Variants in ADCK5 observed in about 807,000 individuals in gnomAD.
The protein encoded by ADCK5 is aarF domain containing kinase 5.
ADCK5 carries 43 observed loss-of-function variants against 64.9 expected under a neutral mutation model. That is an observed-to-expected ratio of 0.66 (90% CI 0.52 to 0.85). The LOEUF (loss-of-function observed/expected upper bound fraction) is 0.85, where lower values mean the gene tolerates loss of function less well. Among genes scored for constraint, ADCK5 ranks in the 40% least tolerant of loss-of-function variants. The pLI is 0.00. For synonymous variants in ADCK5, 434 were observed against 342.8 expected (o/e 1.27, Z -2.94); for missense variants, 760 against 810.5 (o/e 0.94, Z 0.76).
chr8:144,381,614 A>G (rs769125545), intron 2 of ADCK5, among the ~76,000 whole-genome samples: 13,328 of 114,642 alleles, frequency 0.12, 445 homozygotes, highest in African/African-American at 0.27. Flanking sequence ...GTGCTCAGGC[A>G]CCTCCCGCAG....
chr8:144,380,876 T>C, intron 2 of ADCK5, among the ~76,000 whole-genome samples: 1 of 133,296 alleles, frequency 7.5e-6, no homozygotes, highest in Non-Finnish European at 1.6e-5. Flanking sequence ...CACTAAGGAT[T>C]ATGGGCTGGG....
rs2130728348 is a variant in ADCK5, at chr8:144,391,046, G to C, written c.533G>C (p.Gly178Ala). 6.2e-7 allele frequency: 1 copy of C among 1,612,358 alleles called. No individual in the cohort carries two copies. Among genetic ancestry groups the C allele is most frequent in the Middle Eastern group, 1.6e-4 (1 of 6,062 alleles). Residue 178 changes from glycine (G) to alanine (A), a missense_variant, in exon 5 of 15, where the codon GGC becomes GCC. Around this residue, in one of 2 missense-constraint regions of ADCK5, gnomAD observed 427 missense variants for 518.4 expected, o/e 0.82. Coordinates refer to ENST00000308860, the MANE Select transcript of ADCK5 (RefSeq NM_174922.5). ...RVLEDRALKR[G>A]FQEVDELFLE... is the part of the protein sequence containing the mutation. ...CTAGAGGACAGGGCCCTCAAGCGGG[G>C]CTTCCAGGAGGTGAGTGTGCGCTCA... is the stretch of plus-strand genomic sequence containing the variant.
At chr8:144,388,050 A>G (rs1273796120) in intron 3 of ADCK5, among the ~76,000 whole-genome samples, 1 of 151,964 alleles carries the variant, frequency 6.6e-6, no homozygotes, top group African/African-American at 2.4e-5. Flanking sequence ...TTTGTGAAAA[A>G]CTTCAAACAT....
chr8:144,388,503 G>A lies in ADCK5; in HGVS notation c.267-2168G>A, dbSNP rs373959642. Among the ~76,000 whole-genome samples the A allele has an allele frequency of 9.9e-5, 15 of 151,188 alleles. No individual in the cohort carries two copies. In the East Asian group the frequency reaches 1.4e-3, roughly 14 times the overall value. ...GTTAGAGCCGGGCACGGTGGCTCAC[G>A]CCTGTAATCCCAGCACTTTGGGAGG... On this transcript the variant is annotated intron_variant, in intron 3 of 14. Coordinates refer to ENST00000308860, the MANE Select transcript of ADCK5 (RefSeq NM_174922.5).
rs181938574 is a variant in ADCK5, at chr8:144,388,950, G to A, written c.267-1721G>A. Among the ~76,000 whole-genome samples, 94 of 152,268 alleles carry A rather than the reference G, an allele frequency of 6.2e-4. 1 individual carries two copies. The highest frequency in any genetic ancestry group is 4.5e-3 in the Admixed American group (69 of 15,306). ...GTGGGCCCTGTCCCCAGGCAGGTAC[G>A]TGAGCTTCACAGAACGCAGGGACAG... On this transcript the variant is annotated intron_variant, in intron 3 of 14. Coordinates refer to ENST00000308860, the MANE Select transcript of ADCK5 (RefSeq NM_174922.5).
At chr8:144,378,399 C>T (rs1819460680) in intron 1 of ADCK5, among the ~76,000 whole-genome samples, 1 of 152,150 alleles carries the variant, frequency 6.6e-6, no homozygotes, top group African/African-American at 2.4e-5. Flanking sequence ...AGTGAGTTCT[C>T]AGATCTGATG....
Position 144,383,171 on chromosome 8 carries a change from A to G in ADCK5, c.207A>G (p.Ala69=). 2 of 1,601,474 alleles carry G rather than the reference A, an allele frequency of 1.2e-6. No individual in the cohort carries two copies. The highest frequency in any genetic ancestry group is 1.7e-6 in the Non-Finnish European group (2 of 1,174,212). Residue 69 remains alanine, a synonymous_variant, in exon 3 of 15, where the codon GCA becomes GCG. Coordinates refer to ENST00000308860, the MANE Select transcript of ADCK5 (RefSeq NM_174922.5). ...PLLLGARYVM[A]EAREKRRMRL... is the part of the protein sequence containing the mutation. Reference sequence around the variant, plus strand: ...TCCTCGGAGCCCGCTATGTCATGGCAGAGGCACGGGAGAAGAGGAGGATGC... The same window carrying G: ...TCCTCGGAGCCCGCTATGTCATGGCGGAGGCACGGGAGAAGAGGAGGATGC...
intron 12 of ADCK5, 28 bp from the exon 13 acceptor site, chr8:144,392,417 C>CGGCCG: frequency 7.5e-7 from 1 of 1,325,716 alleles, no homozygotes; most frequent in Non-Finnish European, 9.8e-7. Flanking sequence ...TCAGAGCCCC[C>CGGCCG]TCCCTCCCTC....
Position 144,383,073 on chromosome 8 carries a change from C to T in ADCK5, c.117-8C>T, listed in dbSNP as rs782807623. On this transcript the variant is annotated splice_polypyrimidine_tract_variant and splice_region_variant and intron_variant, in intron 2 of 14. Coordinates refer to ENST00000308860, the MANE Select transcript of ADCK5 (RefSeq NM_174922.5). ...GCGGCGCCTCCAGGCTGCATTGTCT[C>T]TCCTCAGGTTCTCCAGCCCCACACC... is the stretch of plus-strand genomic sequence containing the variant. 1.9e-6 allele frequency: 3 copies of T among 1,585,372 alleles called. No homozygotes were observed. The highest frequency in any genetic ancestry group is 1.8e-5 in the Admixed American group (1 of 55,672).
intron 2 of ADCK5, among the ~76,000 whole-genome samples, chr8:144,381,748 G>A (rs1318524003): frequency 7.0e-6 from 1 of 143,148 alleles, no homozygotes. Flanking sequence ...ATTATGGGCC[G>A]GGTGCAGAAA....
rs782326879 is a variant in ADCK5 at position 144,391,215 on chromosome 8, G to A, written c.625G>A (p.Ala209Thr). 1.2e-6 allele frequency: 2 copies of A among 1,612,468 alleles called. No individual in the cohort carries two copies. Among genetic ancestry groups the A allele is most frequent in the Non-Finnish European group, 8.5e-7 (1 of 1,180,026 alleles). ...QEFDYQPIAA[A>T]SLAQVHRAKL... ...GTTTGACTACCAGCCAATTGCTGCC[G>A]CCAGCCTGGCACAGGTGCACAGAGC... The change falls in exon 6 of 15, where the codon GCC (alanine) becomes ACC (threonine). Residue 209 changes from alanine (A) to threonine (T), a missense_variant. Physicochemically the swap from Ala to Thr is moderately conservative, Grantham distance 58 (BLOSUM62 0). This residue lies in a region of ADCK5 where 427 missense variants were observed against 518.4 expected (regional missense o/e 0.82). Coordinates refer to ENST00000308860, the MANE Select transcript of ADCK5 (RefSeq NM_174922.5).
At chr8:144,375,426 T>G in intron 1 of ADCK5, 1 of 978,310 alleles carries the variant, frequency 1.0e-6, no homozygotes, top group Non-Finnish European at 1.2e-6. Flanking sequence ...ACAGTGCTGT[T>G]GGGTTCCCCA....
At chr8:144,389,731 C>T (rs1402331478) in intron 3 of ADCK5, among the ~76,000 whole-genome samples, 4 of 152,000 alleles carry the variant, frequency 2.6e-5, no homozygotes, top group Non-Finnish European at 4.4e-5. Flanking sequence ...TAGGTTTCAC[C>T]ATGTTGGTCA....
At position 144,379,594 on chromosome 8, in the gene ADCK5, C is replaced by T. The variant is rs565075940; in HGVS notation, c.116+104C>T. On this transcript the variant is annotated intron_variant, in intron 2 of 14. Coordinates refer to ENST00000308860, the MANE Select transcript of ADCK5 (RefSeq NM_174922.5). Reference sequence around the variant, plus strand: ...CGAGGGCCCAAGGCTGGACCTTCTCCTGTACCCACAACCAAGGCAGGATAT... The same window carrying T: ...CGAGGGCCCAAGGCTGGACCTTCTCTTGTACCCACAACCAAGGCAGGATAT... The T allele has an allele frequency of 2.3e-5, 22 of 942,408 alleles. No individual in the cohort carries two copies. The East Asian group carries it at 4.3e-4, about 19-fold the overall frequency. 58.4% of individuals were successfully genotyped at this position (942,408 alleles called of 1,614,324 possible).
At position 144,392,179 on chromosome 8, in the gene ADCK5, G is replaced by GGGT; in HGVS notation, c.1175+12_1175+14dup. The GGGT allele has an allele frequency of 6.4e-7, 1 of 1,560,932 alleles. No individual in the cohort carries two copies. Among genetic ancestry groups the GGGT allele is most frequent in the Non-Finnish European group, 8.6e-7 (1 of 1,156,800 alleles). On this transcript the variant is annotated intron_variant, in intron 11 of 14. Transcript: ENST00000308860. ...CAGTTCCTGGAGGAGAAGTGAGCGC[G>GGGT]GGTGGGTGGGCGTGGGGCAGGGCAA...
intron 9 of ADCK5, 30 bp from the exon 10 acceptor site, chr8:144,391,911 T>G (rs1554860834): frequency 1.2e-6 from 2 of 1,611,082 alleles, no homozygotes; most frequent in Non-Finnish European, 1.7e-6. Context: ...GCTGGTGCTG[T>G]GTCCACTGCA....
In ADCK5 at chr8:144,392,654, GC is replaced by G; in HGVS notation, c.1480del (p.Leu494SerfsTer61). The G allele has an allele frequency of 6.3e-7, 1 of 1,593,922 alleles. No homozygotes were observed. On this transcript the variant is annotated frameshift_variant, in exon 13 of 15. Coordinates refer to ENST00000308860, the MANE Select transcript of ADCK5 (RefSeq NM_174922.5). LOFTEE classifies it high-confidence loss of function. ...CAACACCGTGCGCGCTATCAACGTG[GC>G]CCTCGGCGCCCCCGTGGACCGCTAC... Reference protein sequence around the residue: ...NINTVRAINVALGAPVDRYFL... With the variant: ...NINTVRAINVXLGAPVDRYFL...
At position 144,392,906 on chromosome 8, in the gene ADCK5, G is replaced by C; in HGVS notation, c.1637+14G>C. The stretch of plus-strand genomic sequence containing the variant: ...AGTGGCGCTCAGGTGAGTGGCCGCG[G>C]GGCAGGTGGGTGGCGGGGGCCTGCT... On this transcript the variant is annotated intron_variant, in intron 14 of 14. Coordinates refer to ENST00000308860, the MANE Select transcript of ADCK5 (RefSeq NM_174922.5). 1 of 1,598,754 alleles carries C rather than the reference G, an allele frequency of 6.3e-7. No individual in the cohort carries two copies. The highest frequency in any genetic ancestry group is 8.5e-7 in the Non-Finnish European group (1 of 1,175,482).
chr8:144,374,187 C>A (rs1586569773), intron 1 of ADCK5, 80 bp downstream of exon 1: 2 of 1,215,150 alleles, frequency 1.6e-6, no homozygotes, highest in African/African-American at 3.1e-5. Context: ...TCCCCAGACC[C>A]CGCCCTAGAG....
Sources: gnomAD v4.1 joint callset for allele counts (sites outside exome capture counted in the v4.1 genomes callset) on GRCh38, gnomAD v4.1.1 for gene constraint, gnomAD v4.1.1 regional missense constraint, MANE v1.5 for transcripts, NCBI Gene and HGNC (gene_info 2026-07-23, HGNC 2026-07-21) for gene names.